The following CCDC3 variants were observed in gnomAD, a reference collection of about 807,000 sequenced individuals.
CCDC3 encodes coiled-coil domain-containing protein 3.
CCDC3 carries 24 observed loss-of-function variants against 21.4 expected under a neutral mutation model. The observed-to-expected ratio is 1.12, with a 90% CI of 0.81 to 1.58. The LOEUF is 1.58. CCDC3 is among the 40% of genes most tolerant of loss of function. The pLI is 0.00. For missense variants in CCDC3, 425 were observed against 360.9 expected (o/e 1.18, Z -1.44); for synonymous variants, 186 against 166.0 (o/e 1.12, Z -0.93).
At chr10:12,937,992 T>TCCTCCAAATTCGCCTC (rs137968071) in intron 2 of CCDC3, among the ~76,000 whole-genome samples, 1 of 151,918 alleles carries the variant, frequency 6.6e-6, no homozygotes, top group Non-Finnish European at 1.5e-5. Flanking sequence ...CAACCCAGCA[T>TCCTCCAAATTCGCCTC]CCTCCAAAAT....
chr10:12,994,228 T>A (rs1835722372), intron 2 of CCDC3, among the ~76,000 whole-genome samples: 1 of 151,922 alleles, frequency 6.6e-6, no homozygotes, highest in Non-Finnish European at 1.5e-5. Flanking sequence ...TGAAACCCCA[T>A]CTCTACAAAA....
rs73577615 is a variant in CCDC3, at chr10:13,095,987, C to T, written c.-503+2538G>A. ...TCTTTTTCTACTTTCCTTTTCTGGA[C>T]ATTTAATGTATATGGAGTCATAGCA... is the stretch of plus-strand genomic sequence containing the variant. On this transcript the variant is annotated intron_variant, in intron 3 of 6. Transcript: ENST00000378839. 3.0e-3 allele frequency among the ~76,000 whole-genome samples: 462 copies of T among 152,316 alleles called. 3 individuals carry two copies. The highest frequency in any genetic ancestry group is 9.8e-3 in the African/African-American group (409 of 41,574).
chr10:12,922,430 C>T (rs1258785738), intron 2 of CCDC3, among the ~76,000 whole-genome samples: 3 of 152,164 alleles, frequency 2.0e-5, no homozygotes, highest in South Asian at 2.1e-4. Context: ...TGGCCCAGCA[C>T]CTCCCTCAGC....
intron 2 of CCDC3, among the ~76,000 whole-genome samples, chr10:12,982,609 C>T (rs889292337): frequency 6.6e-6 from 1 of 151,482 alleles, no homozygotes; most frequent in Admixed American, 6.6e-5. Context: ...GCCTGACCAA[C>T]ATGGTGAAAT....
chr10:12,931,208 C>CCA (rs368478759), intron 2 of CCDC3, among the ~76,000 whole-genome samples: 1 of 75,054 alleles, frequency 1.3e-5, no homozygotes, highest in Non-Finnish European at 2.6e-5. Flanking sequence ...AAGACTCTGT[C>CCA]AAAAAAAAAA....
chr10:13,092,456 C>T (rs567670843), intron 3 of CCDC3, among the ~76,000 whole-genome samples: 23 of 152,328 alleles, frequency 1.5e-4, no homozygotes, highest in Non-Finnish European at 3.1e-4. Context: ...ACTTGGCCAC[C>T]TTTGCCATAA....
intron 2 of CCDC3, among the ~76,000 whole-genome samples, chr10:12,911,912 G>A (rs1326385446): frequency 6.6e-6 from 1 of 151,996 alleles, no homozygotes; most frequent in African/African-American, 2.4e-5. Flanking sequence ...ATGCAGTACT[G>A]GTGCCTGGCT....
chr10:13,056,846 G>A (rs558109151), intron 4 of CCDC3, among the ~76,000 whole-genome samples: 2 of 152,316 alleles, frequency 1.3e-5, no homozygotes, highest in Non-Finnish European at 2.9e-5. Flanking sequence ...TTGTGAGGAG[G>A]AAGGGAGAGG....
intron 2 of CCDC3, among the ~76,000 whole-genome samples, chr10:12,937,978 C>G (rs1206680699): frequency 6.6e-6 from 1 of 152,160 alleles, no homozygotes; most frequent in Admixed American, 6.5e-5. Flanking sequence ...CATTCTTATG[C>G]CTTCAACCCA....
intron 2 of CCDC3, among the ~76,000 whole-genome samples, chr10:12,972,376 TG>T (rs1302930269): frequency 1.3e-5 from 2 of 152,294 alleles, no homozygotes; most frequent in East Asian, 3.9e-4. Flanking sequence ...CCTGGCACTC[TG>T]GGTTTCCTGC....
At chr10:12,920,545 C>A (rs768629476) in intron 2 of CCDC3, among the ~76,000 whole-genome samples, 4 of 152,188 alleles carry the variant, frequency 2.6e-5, no homozygotes, top group Non-Finnish European at 5.9e-5. Flanking sequence ...AGGGAGAAAC[C>A]ATTCTTTGAG....
chr10:13,001,259 C>G lies in CCDC3; in HGVS notation c.312G>C (p.Leu104=). The G allele has an allele frequency of 6.3e-7, 1 of 1,595,806 alleles. No homozygotes were observed. The highest frequency in any genetic ancestry group is 8.5e-7 in the Non-Finnish European group (1 of 1,172,314). ...PAGSRLNLTG[L]GYFSCHSHTV... is the part of the protein sequence containing the mutation. ...TGTGGGAGTGGCACGAGAAGTAGCC[C>G]AGGCCGGTGAGGTTGAGCCTGGAGC... Residue 104 remains leucine, a synonymous_variant, in exon 1 of 3, where the codon CTG becomes CTC. Transcript: ENST00000378825.
At chr10:12,960,463 C>T (rs2131256362) in intron 2 of CCDC3, among the ~76,000 whole-genome samples, 1 of 152,202 alleles carries the variant, frequency 6.6e-6, no homozygotes, top group African/African-American at 2.4e-5. Context: ...GGCTTATCTG[C>T]CTGTTGGCCA....
chr10:13,066,568 A>G (rs1368654489), intron 4 of CCDC3, among the ~76,000 whole-genome samples: 2 of 152,222 alleles, frequency 1.3e-5, no homozygotes, highest in East Asian at 1.9e-4. Context: ...ATTAAGGCAA[A>G]CAGCAAAACC....
At chr10:13,057,063 G>A (rs1022348982) in intron 4 of CCDC3, among the ~76,000 whole-genome samples, 5 of 151,772 alleles carry the variant, frequency 3.3e-5, no homozygotes, top group South Asian at 2.1e-4. Flanking sequence ...GAGCCGAGGC[G>A]GGAGGATTGC....
At chr10:12,914,267 C>G (rs1376065153) in intron 2 of CCDC3, among the ~76,000 whole-genome samples, 1 of 152,098 alleles carries the variant, frequency 6.6e-6, no homozygotes, top group African/African-American at 2.4e-5. Context: ...CATTACTGTT[C>G]TGTTCAAATT....
intron 2 of CCDC3, among the ~76,000 whole-genome samples, chr10:12,908,580 T>TCTGACC (rs1236298998): frequency 6.6e-6 from 1 of 151,742 alleles, no homozygotes; most frequent in African/African-American, 2.4e-5. Flanking sequence ...GGTGCTGAAA[T>TCTGACC]CACAGATTCT....
rs542304126 is a variant in CCDC3 at position 13,061,878 on chromosome 10, GA to G, written c.-269-11938del. On this transcript the variant is annotated intron_variant, in intron 4 of 6. Coordinates refer to the CCDC3 transcript ENST00000378839. Reference sequence around the variant, plus strand: ...CTATTCAGACCTTTAGAAGGTGCTGGACTCTCAGTTAATCTCCTCAGGATTG... The same window carrying G: ...CTATTCAGACCTTTAGAAGGTGCTGGCTCTCAGTTAATCTCCTCAGGATTG... 2.0e-5 allele frequency among the ~76,000 whole-genome samples: 3 copies of G among 152,246 alleles called. No individual in the cohort carries two copies. In the South Asian group the frequency reaches 6.2e-4, roughly 32 times the overall value.
chr10:12,987,405 C>T (rs1266247815), intron 2 of CCDC3, among the ~76,000 whole-genome samples: 1 of 152,164 alleles, frequency 6.6e-6, no homozygotes, highest in African/African-American at 2.4e-5. Flanking sequence ...TAACATAACG[C>T]CTCACACATA....
Sources: allele counts gnomAD v4.1 joint callset (sites outside exome capture counted in the v4.1 genomes callset), GRCh38; gene constraint gnomAD v4.1.1; transcripts MANE v1.5; gene names NCBI Gene and HGNC (gene_info 2026-07-23, HGNC 2026-07-21).